The following PABPC4L variants were observed in gnomAD, a reference collection of about 807,000 sequenced individuals.
PABPC4L encodes the protein polyadenylate-binding protein 4-like.
For synonymous variants in PABPC4L, 169 were observed against 164.1 expected (o/e 1.03, Z -0.23); for missense variants, 452 against 451.4 (o/e 1.00, Z -0.01).
the PABPC4L span, among the ~76,000 whole-genome samples, chr4:134,175,739 G>C: frequency 1.3e-5 from 2 of 152,258 alleles, no homozygotes; most frequent in East Asian, 3.9e-4. Context: ...GTGAGTCACT[G>C]TGCCTGGTCT....
Position 134,199,723 on chromosome 4 carries a change from G to T in PABPC4L, c.*184C>A. 1.5e-6 allele frequency: 1 copy of T among 678,408 alleles called. No individual in the cohort carries two copies. Among genetic ancestry groups the T allele is most frequent in the Non-Finnish European group, 2.3e-6 (1 of 426,890 alleles). The allele number at this position is 678,408 out of a possible 1,614,324, so 42.0% of individuals were successfully genotyped here. ...AATGTGCCTCTGTAAAATGAACTAAGCTCCATCTATTTTTCCACAAAAGAA... is the reference window on the plus strand; with the variant it reads ...AATGTGCCTCTGTAAAATGAACTAATCTCCATCTATTTTTCCACAAAAGAA... On this transcript the variant is annotated 3_prime_UTR_variant, in exon 2 of 2. Transcript: ENST00000421491.
the PABPC4L span, among the ~76,000 whole-genome samples, chr4:134,167,214 G>A: frequency 2.0e-5 from 3 of 152,004 alleles, 1 homozygote; most frequent in Admixed American, 2.0e-4. Context: ...GACTGTGTGT[G>A]TTAATGATGT....
chr4:133,997,089 A>G, the PABPC4L span, among the ~76,000 whole-genome samples: 5 of 152,040 alleles, frequency 3.3e-5, no homozygotes, highest in African/African-American at 1.2e-4. Flanking sequence ...TTTTCCCACC[A>G]CCCTGACCAA....
chr4:134,140,932 C>T, the PABPC4L span, among the ~76,000 whole-genome samples: 1 of 151,462 alleles, frequency 6.6e-6, no homozygotes, highest in Non-Finnish European at 1.5e-5. Context: ...CTTCTTAGGG[C>T]TCATTCTGCT....
At chr4:133,985,397 G>A in the PABPC4L span, among the ~76,000 whole-genome samples, 3 of 152,048 alleles carry the variant, frequency 2.0e-5, no homozygotes, top group South Asian at 6.2e-4. Context: ...GGGGTGATAT[G>A]GAGATTGGAC....
At chr4:133,966,668 G>A in the PABPC4L span, among the ~76,000 whole-genome samples, 1 of 152,148 alleles carries the variant, frequency 6.6e-6, no homozygotes, top group Non-Finnish European at 1.5e-5. Context: ...TCTCCTGGAT[G>A]AGACTGGAGA....
chr4:134,025,902 G>C, the PABPC4L span, among the ~76,000 whole-genome samples: 1 of 152,048 alleles, frequency 6.6e-6, no homozygotes, highest in South Asian at 2.1e-4. Flanking sequence ...GAAAATTAAG[G>C]TAGGGCATGG....
At chr4:134,078,278 G>C in the PABPC4L span, among the ~76,000 whole-genome samples, 5 of 152,120 alleles carry the variant, frequency 3.3e-5, no homozygotes, top group Non-Finnish European at 7.4e-5. Context: ...TCCATAAATG[G>C]AATAATGAGC....
At chr4:134,075,593 C>T in the PABPC4L span, among the ~76,000 whole-genome samples, 23 of 152,020 alleles carry the variant, frequency 1.5e-4, no homozygotes, top group African/African-American at 2.9e-4. Context: ...TTCCCCCAAG[C>T]GGACACTAGT....
At chr4:134,016,290 G>A in the PABPC4L span, among the ~76,000 whole-genome samples, 2 of 152,080 alleles carry the variant, frequency 1.3e-5, no homozygotes, top group African/African-American at 2.4e-5. Flanking sequence ...TATTTATACT[G>A]ACTCTAAATA....
the PABPC4L span, among the ~76,000 whole-genome samples, chr4:134,049,081 T>C: frequency 1.3e-5 from 2 of 152,070 alleles, no homozygotes; most frequent in African/African-American, 2.4e-5. Flanking sequence ...GAAGAAATTA[T>C]AATAATTAAG....
At chr4:133,989,831 C>A in the PABPC4L span, among the ~76,000 whole-genome samples, 8 of 152,082 alleles carry the variant, frequency 5.3e-5, no homozygotes, top group African/African-American at 9.7e-5. Context: ...AGAAAAGAGC[C>A]TTAATTGACT....
At chr4:133,960,095 G>C in the PABPC4L span, among the ~76,000 whole-genome samples, 1 of 152,176 alleles carries the variant, frequency 6.6e-6, no homozygotes, top group Admixed American at 6.5e-5. Flanking sequence ...CTCTGACTCA[G>C]ATGGATAGAG....
chr4:134,136,409 G>GTTTT, the PABPC4L span, among the ~76,000 whole-genome samples: 1 of 151,928 alleles, frequency 6.6e-6, no homozygotes, highest in East Asian at 1.9e-4. Flanking sequence ...GTTTTGTTTT[G>GTTTT]TTTTTAAAGA....
the PABPC4L span, among the ~76,000 whole-genome samples, chr4:134,002,529 C>T: frequency 1.3e-5 from 2 of 151,718 alleles, no homozygotes; most frequent in Non-Finnish European, 2.9e-5. Context: ...TTCAGAGAAA[C>T]TTTTTTTATT....
At chr4:133,996,390 A>G in the PABPC4L span, among the ~76,000 whole-genome samples, 1 of 152,166 alleles carries the variant, frequency 6.6e-6, no homozygotes, top group African/African-American at 2.4e-5. Context: ...ATGGGAAACA[A>G]TAGTCTGCAT....
At chr4:134,170,472 C>G in the PABPC4L span, among the ~76,000 whole-genome samples, 2 of 152,096 alleles carry the variant, frequency 1.3e-5, no homozygotes, top group African/African-American at 4.8e-5. Flanking sequence ...TTAATTGCCT[C>G]ACGGTACCAT....
At chr4:134,066,238 A>G in the PABPC4L span, among the ~76,000 whole-genome samples, 48 of 152,052 alleles carry the variant, frequency 3.2e-4, no homozygotes, top group Admixed American at 3.9e-4. Context: ...GTGTTTTGTA[A>G]TTCTCATTGT....
At chr4:134,182,679 TAGG>T in the PABPC4L span, among the ~76,000 whole-genome samples, 1 of 151,762 alleles carries the variant, frequency 6.6e-6, no homozygotes, top group Non-Finnish European at 1.5e-5. Context: ...ACCCACAGAA[TAGG>T]AGAAAATATT....
Sources: gnomAD v4.1 joint callset for allele counts (sites outside exome capture counted in the v4.1 genomes callset) on GRCh38, gnomAD v4.1.1 for gene constraint, MANE v1.5 for transcripts, NCBI Gene and HGNC (gene_info 2026-07-23, HGNC 2026-07-21) for gene names.